The following PPP1R12A variants were observed in gnomAD, a reference collection of about 807,000 sequenced individuals.
PPP1R12A encodes protein phosphatase 1 regulatory subunit 12A.
A neutral mutation model predicts 139.6 loss-of-function variants in PPP1R12A; 19 were observed. That is an observed-to-expected ratio of 0.14 (90% CI 0.09 to 0.20). The LOEUF is 0.20. Among genes scored for constraint, PPP1R12A ranks in the 10% least tolerant of loss-of-function variants. The pLI, the probability that PPP1R12A is intolerant of heterozygous loss-of-function variation, is 1.00. For missense variants in PPP1R12A, 925 were observed against 1,211.5 expected (o/e 0.76, Z 3.51); for synonymous variants, 427 against 420.6 (o/e 1.02, Z -0.19).
At chr12:79,778,062 T>C (rs891089341) in intron 24 of PPP1R12A, among the ~76,000 whole-genome samples, 4 of 152,136 alleles carry the variant, frequency 2.6e-5, no homozygotes, top group Admixed American at 6.6e-5. Context: ...ATTCAAAACA[T>C]AATTATTTCT....
chr12:79,797,328 C>G lies in PPP1R12A; in HGVS notation c.2159G>C (p.Arg720Thr), dbSNP rs114450644. Residue 720 changes from arginine (R) to threonine (T), a missense_variant, in exon 16 of 25, where the codon AGA becomes ACA. Arg to Thr is a moderately conservative substitution (Grantham distance 71). Around this residue, in one of 4 missense-constraint regions of PPP1R12A, gnomAD observed 315 missense variants for 363.4 expected, o/e 0.87. Transcript: ENST00000450142. Reference protein sequence around the residue: ...TIGRSRSTRTREQENEEKEKE... With the variant: ...TIGRSRSTRTTEQENEEKEKE... ...TTCTTTTTCTTCATTTTCTTGTTCT[C>G]TGGTTCGGGTAGAACGACTTCTTCC... The G allele has an allele frequency of 6.2e-7, 1 of 1,600,786 alleles. No individual in the cohort carries two copies. The highest frequency in any genetic ancestry group is 8.5e-7 in the Non-Finnish European group (1 of 1,173,174).
At chr12:79,917,046 T>C (rs1399176451) in intron 1 of PPP1R12A, among the ~76,000 whole-genome samples, 3 of 152,160 alleles carry the variant, frequency 2.0e-5, no homozygotes, top group African/African-American at 7.2e-5. Flanking sequence ...AAAGGGCTCA[T>C]ACCATACATA....
chr12:79,910,535 A>G lies in PPP1R12A; in HGVS notation c.237+24160T>C, dbSNP rs962311371. Among the ~76,000 whole-genome samples, 23 of 88,906 alleles carry G rather than the reference A, an allele frequency of 2.6e-4. No individual in the cohort carries two copies. The Admixed American group carries it at 3.3e-3, about 13-fold the overall frequency. The allele number at this position is 88,906 out of a possible 152,430, so 58.3% of individuals were successfully genotyped here. On this transcript the variant is annotated intron_variant, in intron 1 of 24. Coordinates refer to ENST00000450142, the MANE Select transcript of PPP1R12A (RefSeq NM_002480.3). ...AAGTATACTTCAAAGTATAATCCCC[A>G]TGACTTTATTCTTAAAAAAAAAAAC...
intron 2 of PPP1R12A, among the ~76,000 whole-genome samples, chr12:79,863,147 A>G (rs893426201): frequency 1.3e-5 from 2 of 152,204 alleles, no homozygotes; most frequent in African/African-American, 4.8e-5. Flanking sequence ...GCCAGAAGAG[A>G]GTGGGGGCCG....
intron 4 of PPP1R12A, among the ~76,000 whole-genome samples, chr12:79,829,310 G>A (rs1877140324): frequency 6.6e-6 from 1 of 152,182 alleles, no homozygotes; most frequent in East Asian, 1.9e-4. Flanking sequence ...CACTTTCCAA[G>A]ATGTTGAGCT....
intron 1 of PPP1R12A, among the ~76,000 whole-genome samples, chr12:79,898,080 C>T (rs764015778): frequency 2.0e-5 from 3 of 152,204 alleles, no homozygotes; most frequent in Non-Finnish European, 4.4e-5. Flanking sequence ...CTATTTATCA[C>T]CTCAAATCTC....
chr12:79,906,609 G>A (rs558545437), intron 1 of PPP1R12A, among the ~76,000 whole-genome samples: 87 of 152,008 alleles, frequency 5.7e-4, no homozygotes, highest in African/African-American at 2.0e-3. Context: ...ATTTATGTAT[G>A]TATGTATGTA....
intron 8 of PPP1R12A, 100 bp downstream of exon 8, chr12:79,820,674 G>T: frequency 8.0e-7 from 1 of 1,251,984 alleles, no homozygotes. Context: ...ATCTAAACAA[G>T]TAGCAAATCA....
intron 15 of PPP1R12A, 110 bp downstream of exon 15, chr12:79,798,384 T>C (rs571619374): frequency 4.7e-4 from 319 of 684,058 alleles, no homozygotes; most frequent in Non-Finnish European, 5.9e-4. Flanking sequence ...ACATCAATAT[T>C]TTCACAACAA....
rs575210972 is a variant in PPP1R12A, at chr12:79,882,929, G to A, written c.238-9991C>T. 8.5e-5 allele frequency among the ~76,000 whole-genome samples: 13 copies of A among 152,246 alleles called. No homozygotes were observed. In the South Asian group the frequency reaches 2.7e-3, roughly 32 times the overall value. ...CGAGGCGGGAGGATCATGAGGTCAG[G>A]AGTATGGGACCAGCCTGACCAACAT... On this transcript the variant is annotated intron_variant, in intron 1 of 24. Coordinates refer to ENST00000450142, the MANE Select transcript of PPP1R12A (RefSeq NM_002480.3).
At position 79,779,340 on chromosome 12, in the gene PPP1R12A, C is replaced by A. The variant is rs752074573; in HGVS notation, c.2956-740G>T. On this transcript the variant is annotated intron_variant, in intron 23 of 24. Transcript: ENST00000450142. ...TCATACCGCCCAGAAGATACTGACTCTTGCCGGTCACCTTTCAGATACAAA... is the reference window on the plus strand; with the variant it reads ...TCATACCGCCCAGAAGATACTGACTATTGCCGGTCACCTTTCAGATACAAA... 3 of 1,288,982 alleles carry A rather than the reference C, an allele frequency of 2.3e-6. No individual in the cohort carries two copies. The East Asian group carries it at 1.7e-4, about 71-fold the overall frequency. 79.8% of individuals were successfully genotyped at this position (1,288,982 alleles called of 1,614,324 possible).
intron 3 of PPP1R12A, among the ~76,000 whole-genome samples, chr12:79,843,610 AAATATAG>A (rs1879013249): frequency 6.9e-6 from 1 of 145,596 alleles, no homozygotes; most frequent in African/African-American, 2.6e-5. Flanking sequence ...TCTCAAAAAA[AAATATAG>A]ATATAGATAT....
intron 1 of PPP1R12A, among the ~76,000 whole-genome samples, chr12:79,874,041 C>A (rs943874250): frequency 1.2e-4 from 18 of 151,990 alleles, no homozygotes; most frequent in Admixed American, 9.2e-4. Flanking sequence ...TTTGGGAGGC[C>A]GAGGCGGGCA....
chr12:79,848,249 T>C (rs919649349), intron 2 of PPP1R12A, among the ~76,000 whole-genome samples: 2 of 152,182 alleles, frequency 1.3e-5, no homozygotes, highest in African/African-American at 4.8e-5. Flanking sequence ...TTTCCTCATA[T>C]ACTACAAATA....
chr12:79,905,353 CT>C (rs1400513652), intron 1 of PPP1R12A, among the ~76,000 whole-genome samples: 11 of 118,366 alleles, frequency 9.3e-5, no homozygotes, highest in African/African-American at 1.4e-4. Context: ...CCCCCCACCC[CT>C]TTTTTTTTGA....
At chr12:79,883,868 C>A (rs1256103328) in intron 1 of PPP1R12A, among the ~76,000 whole-genome samples, 1 of 152,010 alleles carries the variant, frequency 6.6e-6, no homozygotes, top group Non-Finnish European at 1.5e-5. Context: ...TTCAAGACAC[C>A]ATCTAGTACA....
intron 4 of PPP1R12A, among the ~76,000 whole-genome samples, chr12:79,831,068 T>C (rs1019092743): frequency 2.6e-5 from 4 of 152,128 alleles, no homozygotes; most frequent in Non-Finnish European, 4.4e-5. Context: ...TATAACTCAG[T>C]ACTCATATAC....
intron 1 of PPP1R12A, among the ~76,000 whole-genome samples, chr12:79,917,007 A>T (rs577411008): frequency 1.3e-5 from 2 of 152,230 alleles, no homozygotes; most frequent in South Asian, 4.1e-4. Flanking sequence ...GTACTTTACC[A>T]GATTTTTTCC....
At chr12:79,819,121 AGT>A (rs1875768114) in intron 8 of PPP1R12A, 1 of 152,222 alleles carries the variant, frequency 6.6e-6, no homozygotes, top group South Asian at 2.1e-4. Context: ...GAACATTTAA[AGT>A]TAGCTCAGTG....
Sources: gnomAD v4.1 joint callset for allele counts (sites outside exome capture counted in the v4.1 genomes callset) on GRCh38, gnomAD v4.1.1 for gene constraint, gnomAD v4.1.1 regional missense constraint, MANE v1.5 for transcripts, NCBI Gene and HGNC (gene_info 2026-07-23, HGNC 2026-07-21) for gene names.